The following STK4 variants were observed in gnomAD, a reference collection of about 807,000 sequenced individuals.
STK4 encodes serine/threonine-protein kinase 4.
A neutral mutation model predicts 64.9 loss-of-function variants in STK4; 30 were observed. The ratio of observed to expected loss-of-function variants is 0.46; its 90% CI spans 0.35 to 0.63. The LOEUF (loss-of-function observed/expected upper bound fraction) is 0.63. Ranked by LOEUF, STK4 falls within the 20% of genes least tolerant of loss-of-function variation. The pLI is 0.01. For synonymous variants in STK4, 177 were observed against 199.0 expected, an observed-to-expected ratio of 0.89 and a Z score of 0.93; for missense variants, 466 against 598.5, an observed-to-expected ratio of 0.78 and a Z score of 2.31.
chr20:45,072,479 T>C (rs1321085566), intron 10 of STK4, among the ~76,000 whole-genome samples: 1 of 152,238 alleles, frequency 6.6e-6, no homozygotes, highest in Non-Finnish European at 1.5e-5. Flanking sequence ...ATAAAAATAA[T>C]TTACTAATTT....
chr20:44,968,855 A>T lies in STK4; in HGVS notation c.35+2252A>T, dbSNP rs551578485. Reference sequence around the variant, plus strand: ...TAATTTGAAGCAGATCAATTTTATTATCACGTGTATCAGTTTATCAGGACA... The same window carrying T: ...TAATTTGAAGCAGATCAATTTTATTTTCACGTGTATCAGTTTATCAGGACA... On this transcript the variant is annotated intron_variant, in intron 1 of 10. Transcript: ENST00000372806. 3.9e-5 allele frequency among the ~76,000 whole-genome samples: 6 copies of T among 152,340 alleles called. No homozygotes were observed. In the South Asian group the frequency reaches 8.3e-4, roughly 21 times the overall value.
intron 10 of STK4, among the ~76,000 whole-genome samples, chr20:45,027,498 T>TA (rs2068373635): frequency 6.6e-6 from 1 of 152,052 alleles, no homozygotes; most frequent in Non-Finnish European, 1.5e-5. Flanking sequence ...TTTTTAATTT[T>TA]AAAAAATATT....
At chr20:45,067,647 G>C (rs1436580723) in intron 10 of STK4, among the ~76,000 whole-genome samples, 5 of 152,246 alleles carry the variant, frequency 3.3e-5, no homozygotes, top group Non-Finnish European at 4.4e-5. Flanking sequence ...CTAATTGTCA[G>C]TGTAATTCCT....
At chr20:45,073,532 C>T (rs1980261226) in intron 10 of STK4, among the ~76,000 whole-genome samples, 1 of 152,110 alleles carries the variant, frequency 6.6e-6, no homozygotes, top group Non-Finnish European at 1.5e-5. Flanking sequence ...CTGTGGAGAC[C>T]TCAGGAAAGG....
chr20:44,982,318 G>A (rs1326693016), intron 4 of STK4, among the ~76,000 whole-genome samples: 2 of 147,056 alleles, frequency 1.4e-5, no homozygotes, highest in African/African-American at 4.9e-5. Flanking sequence ...TTTTTTTTGT[G>A]GAGATGGTGT....
At chr20:44,969,645 C>T (rs888588374) in intron 1 of STK4, among the ~76,000 whole-genome samples, 1 of 152,160 alleles carries the variant, frequency 6.6e-6, no homozygotes, top group African/African-American at 2.4e-5. Flanking sequence ...TCCACATGGC[C>T]ATCTGACTTA....
At chr20:44,997,422 T>G in intron 7 of STK4, 116 bp downstream of exon 7, 1 of 1,337,186 alleles carries the variant, frequency 7.5e-7, no homozygotes, top group Non-Finnish European at 1.0e-6. Flanking sequence ...CTGGGTGCAG[T>G]GGCTCACGCC....
At position 44,995,045 on chromosome 20, in the gene STK4, A is replaced by T. The variant is rs2067703083; in HGVS notation, c.526-45A>T. The T allele has an allele frequency of 2.7e-6, 4 of 1,456,142 alleles. No individual in the cohort carries two copies. In the East Asian group the frequency reaches 1.0e-4, roughly 37 times the overall value. The allele number at this position is 1,456,142 out of a possible 1,614,324, so 90.2% of individuals were successfully genotyped here. A position where few individuals can be genotyped will look rare whatever the true frequency, so the allele number is the denominator to read the frequency against. ...TGTAGACTTCCTCTGTGGACATCTC[A>T]GTAGTTTTAAGCTTAGTGTCAGTCT... On this transcript the variant is annotated intron_variant, in intron 5 of 10. Coordinates refer to ENST00000372806, the MANE Select transcript of STK4 (RefSeq NM_006282.5).
chr20:45,015,150 A>G (rs1056203982), intron 9 of STK4, among the ~76,000 whole-genome samples: 1 of 152,194 alleles, frequency 6.6e-6, no homozygotes, highest in Non-Finnish European at 1.5e-5. Context: ...GAAGGCACCT[A>G]TTGTTGCTGT....
chr20:45,001,068 A>T, intron 8 of STK4, 99 bp from the exon 9 acceptor site: 1 of 1,334,158 alleles, frequency 7.5e-7, no homozygotes, highest in Non-Finnish European at 1.0e-6. Flanking sequence ...AATAAGTGTT[A>T]AATCTCGAAA....
intron 3 of STK4, among the ~76,000 whole-genome samples, chr20:44,980,622 C>CAAATG (rs2067420022): frequency 6.6e-6 from 1 of 152,158 alleles, no homozygotes; most frequent in Admixed American, 6.5e-5. Context: ...TAGAAAAATT[C>CAAATG]AAATGAAAAG....
chr20:45,058,053 TCACACACA>T (rs3044396), intron 10 of STK4, among the ~76,000 whole-genome samples: 6,724 of 147,932 alleles, frequency 0.045, 426 homozygotes, highest in African/African-American at 0.15. Flanking sequence ...AGTTTGAAGG[TCACACACA>T]CACACACACA....
At chr20:44,983,037 C>G (rs1290827480) in intron 4 of STK4, among the ~76,000 whole-genome samples, 1 of 152,034 alleles carries the variant, frequency 6.6e-6, no homozygotes, top group Non-Finnish European at 1.5e-5. Flanking sequence ...AGCTAAGAGT[C>G]CTGAAGGAAC....
At chr20:45,059,720 T>C (rs1978825118) in intron 10 of STK4, among the ~76,000 whole-genome samples, 1 of 152,210 alleles carries the variant, frequency 6.6e-6, no homozygotes, top group South Asian at 2.1e-4. Flanking sequence ...GAATATAATA[T>C]ACTCTTAAAA....
At chr20:45,004,424 C>T (rs972935489) in intron 9 of STK4, 3 of 151,890 alleles carry the variant, frequency 2.0e-5, no homozygotes, top group African/African-American at 4.8e-5. Flanking sequence ...TGTTTTTCTC[C>T]ACTCCCACTG....
rs555205856 is a variant in STK4 at position 45,018,202 on chromosome 20, A to AGTTGTT, written c.1148-6749_1148-6744dup. 3.5e-3 allele frequency among the ~76,000 whole-genome samples: 533 copies of AGTTGTT among 152,034 alleles called. 2 individuals carry two copies. Among genetic ancestry groups the AGTTGTT allele is most frequent in the African/African-American group, 0.012 (489 of 41,500 alleles). On this transcript the variant is annotated intron_variant, in intron 9 of 10. Coordinates refer to ENST00000372806, the MANE Select transcript of STK4 (RefSeq NM_006282.5). ...AGGAAAACATTTGCAGGATTACCAG[A>AGTTGTT]GTTGTTGTTGTTGTTGTTGTTGTTG...
At chr20:44,968,319 A>G (rs1034970345) in intron 1 of STK4, among the ~76,000 whole-genome samples, 3 of 152,122 alleles carry the variant, frequency 2.0e-5, no homozygotes, top group Admixed American at 2.0e-4. Context: ...TTGTAGTTTT[A>G]GTAGAGACGG....
intron 7 of STK4, among the ~76,000 whole-genome samples, chr20:44,998,010 T>A (rs971458165): frequency 6.6e-6 from 1 of 152,200 alleles, no homozygotes; most frequent in African/African-American, 2.4e-5. Context: ...ACAGTCAGTA[T>A]TAGAACTTGA....
At chr20:45,004,834 T>C (rs2067908222) in intron 9 of STK4, among the ~76,000 whole-genome samples, 1 of 151,428 alleles carries the variant, frequency 6.6e-6, no homozygotes, top group African/African-American at 2.4e-5. Context: ...AGTGGTGCGA[T>C]CTTGGCTCAC....
Sources: allele counts gnomAD v4.1 joint callset (sites outside exome capture counted in the v4.1 genomes callset), GRCh38; gene constraint gnomAD v4.1.1; transcripts MANE v1.5; gene names NCBI Gene and HGNC (gene_info 2026-07-23, HGNC 2026-07-21).